TPR: variants seen among roughly 807,000 people sequenced by gnomAD.
The protein encoded by TPR is nucleoprotein TPR.
TPR carries 51 observed loss-of-function variants against 316.1 expected under a neutral mutation model. The ratio of observed to expected loss-of-function variants is 0.16; its 90% CI spans 0.13 to 0.20. TPR has a LOEUF of 0.20. TPR is among the 10% of genes least tolerant of loss of function. The probability of loss-of-function intolerance (pLI) is 1.00; values close to 1 mark genes in which losing one functional copy is unlikely to be tolerated. For missense variants in TPR, 2,272 were observed against 2,754.8 expected (o/e 0.82, Z 3.92); for synonymous variants, 981 against 914.7 (o/e 1.07, Z -1.31).
In TPR at chr1:186,338,183, A is replaced by G. The variant is rs1206672980; in HGVS notation, c.4212T>C (p.Asn1404=). 1 of 1,612,790 alleles carries G rather than the reference A, an allele frequency of 6.2e-7. No individual in the cohort carries two copies. Among genetic ancestry groups the G allele is most frequent in the African/African-American group, 1.3e-5 (1 of 74,830 alleles). ...NLIQSLKEDL[N]KVRTEKETIQ... ...TGGTTTCCTTTTCAGTTCTTACTTT[A>G]TTTAGATCTTCCTTCAGACTCTGAA... is the stretch of plus-strand genomic sequence containing the variant. The change falls in exon 31 of 51, where the codon AAT becomes AAC. Residue 1404 remains asparagine (N), a synonymous_variant. Coordinates refer to ENST00000367478, the MANE Select transcript of TPR (RefSeq NM_003292.3).
rs1658672618 is a variant in TPR at position 186,346,202 on chromosome 1, T to C, written c.3029A>G (p.Glu1010Gly). ...FQTQLEKKLM[E>G]VEKEKQELQD... is the part of the protein sequence containing the mutation. ...AAGTTCTTGTTTTTCCTTCTCTACT[T>C]CCATCAACTTCTTTTCCAACTGTGT... Residue 1010 changes from glutamate to glycine, a missense_variant, in exon 23 of 51, where the codon GAA becomes GGA. By Grantham distance (98) the Glu-to-Gly change is moderately conservative. This residue lies in a region of TPR where 757 missense variants were observed against 859.8 expected (regional missense o/e 0.88). Transcript: ENST00000367478. The C allele has an allele frequency of 6.2e-7, 1 of 1,613,312 alleles. No homozygotes were observed. Among genetic ancestry groups the C allele is most frequent in the African/African-American group, 1.3e-5 (1 of 74,918 alleles).
rs1658166687 is a variant in TPR, at chr1:186,331,559, C to T, written c.5627G>A (p.Ser1876Asn). 3 of 1,608,536 alleles carry T rather than the reference C, an allele frequency of 1.9e-6. No individual in the cohort carries two copies. The highest frequency in any genetic ancestry group is 2.5e-6 in the Non-Finnish European group (3 of 1,177,242). ...GTEEEVMAEE[S>N]TDGEVETQVY... is the part of the protein sequence containing the mutation. Reference sequence around the variant, plus strand: ...CTGAGTCTCTACCTCTCCATCAGTACTTTCTTCTGCCATAACTTCTTCCTG... The same window carrying T: ...CTGAGTCTCTACCTCTCCATCAGTATTTTCTTCTGCCATAACTTCTTCCTG... The change falls in exon 39 of 51, where the codon AGT (serine) becomes AAT (asparagine). Residue 1876 changes from serine to asparagine, a missense_variant. This residue lies in a region of TPR where 435 missense variants were observed against 461.1 expected (regional missense o/e 0.94). Transcript: ENST00000367478.
At chr1:186,374,250 T>A (rs1659623434) in intron 1 of TPR, among the ~76,000 whole-genome samples, 1 of 152,228 alleles carries the variant, frequency 6.6e-6, no homozygotes, top group African/African-American at 2.4e-5. Flanking sequence ...GCCATTATTG[T>A]CAGTAACTTT....
Position 186,352,031 on chromosome 1 carries a change from A to G in TPR, c.2414T>C (p.Leu805Ser). 3 of 1,610,338 alleles carry G rather than the reference A, an allele frequency of 1.9e-6. No individual in the cohort carries two copies. Among genetic ancestry groups the G allele is most frequent in the Non-Finnish European group, 2.5e-6 (3 of 1,178,622 alleles). The part of the protein sequence containing the change: ...EVRLSQQRES[L>S]LAEQRGQNLL... ...GTTTTGCCCCCTTTGTTCAGCTAAC[A>G]AAGACTCTCTTTGCTGAGAAAGACG... is the stretch of plus-strand genomic sequence containing the variant. The change falls in exon 19 of 51, where the codon TTG (leucine) becomes TCG (serine). Residue 805 changes from leucine to serine, a missense_variant. This residue lies in a region of TPR where 757 missense variants were observed against 859.8 expected (regional missense o/e 0.88). Coordinates refer to ENST00000367478, the MANE Select transcript of TPR (RefSeq NM_003292.3).
intron 34 of TPR, 61 bp from the exon 35 acceptor site, chr1:186,335,190 C>A: frequency 6.4e-7 from 1 of 1,564,094 alleles, no homozygotes; most frequent in Admixed American, 2.0e-5. Context: ...AAAAATGCCA[C>A]AAAAAAATTG....
chr1:186,351,570 C>A, intron 19 of TPR, 100 bp from the exon 20 acceptor site: 1 of 1,275,718 alleles, frequency 7.8e-7, no homozygotes, highest in East Asian at 2.6e-5. Context: ...CAACCCATTT[C>A]TACATGAAGC....
chr1:186,322,210 T>C, intron 45 of TPR, 108 bp downstream of exon 45: 1 of 1,063,626 alleles, frequency 9.4e-7, no homozygotes, highest in South Asian at 1.5e-5. Flanking sequence ...TAGTACATAG[T>C]AGAGAGGGAC....
At chr1:186,345,726 A>C in intron 23 of TPR, 30 bp from the exon 24 acceptor site, 6 of 1,467,992 alleles carry the variant, frequency 4.1e-6, no homozygotes, top group Non-Finnish European at 5.7e-6. Context: ...TTAAAACCAA[A>C]ATTAATTGCA....
chr1:186,361,532 C>A, intron 9 of TPR, 90 bp downstream of exon 9: 1 of 1,309,700 alleles, frequency 7.6e-7, no homozygotes, highest in Non-Finnish European at 1.1e-6. Context: ...AAGTCTAACA[C>A]CTAAATCCAA....
chr1:186,360,726 T>C (rs1659160056), intron 10 of TPR, 39 bp downstream of exon 10: 4 of 1,608,564 alleles, frequency 2.5e-6, no homozygotes, highest in Non-Finnish European at 3.4e-6. Flanking sequence ...AGGAAAGCTG[T>C]AGTATTTCAA....
chr1:186,320,259 G>T, intron 46 of TPR, 53 bp downstream of exon 46: 2 of 1,454,700 alleles, frequency 1.4e-6, no homozygotes, highest in Non-Finnish European at 9.4e-7. Flanking sequence ...CATCTTAATA[G>T]TTTATTACCA....
Position 186,375,191 on chromosome 1 carries a change from GA to G in TPR, c.-164del, listed in dbSNP as rs1659679046. 3.9e-6 allele frequency: 6 copies of G among 1,529,424 alleles called. No individual in the cohort carries two copies. The East Asian group carries it at 1.5e-4, about 38-fold the overall frequency. The allele number at this position is 1,529,424 out of a possible 1,614,324, so 94.7% of individuals were successfully genotyped here. ...GGAGACTCCCGCGGCGGGACCCTGG[GA>G]AATCGAGTCCACCCTCAGCGGCAGC... On this transcript the variant is annotated 5_prime_UTR_variant, in exon 1 of 51. Transcript: ENST00000367478.
At chr1:186,338,932 G>A (rs943945506) in intron 30 of TPR, among the ~76,000 whole-genome samples, 1 of 152,106 alleles carries the variant, frequency 6.6e-6, no homozygotes, top group African/African-American at 2.4e-5. Context: ...TAACATGCTA[G>A]ATGATTGCTA....
At chr1:186,371,089 T>C (rs769617466) in intron 2 of TPR, 46 bp from the exon 3 acceptor site, 74 of 1,468,056 alleles carry the variant, frequency 5.0e-5, no homozygotes, top group Non-Finnish European at 6.3e-5. Context: ...TGCTTAAAAC[T>C]TGCAATGAGT....
At chr1:186,368,225 G>A (rs1325598841) in intron 3 of TPR, among the ~76,000 whole-genome samples, 1 of 152,142 alleles carries the variant, frequency 6.6e-6, no homozygotes, top group Non-Finnish European at 1.5e-5. Flanking sequence ...ACATGGAAAT[G>A]TCCTAATAAC....
intron 7 of TPR, 106 bp from the exon 8 acceptor site, chr1:186,361,975 TA>T: frequency 3.0e-6 from 3 of 1,010,644 alleles, no homozygotes; most frequent in Non-Finnish European, 4.3e-6. Context: ...GAGCTAAATC[TA>T]AAACACTCAA....
rs899258045 is a variant in TPR at position 186,354,118 on chromosome 1, C to A, written c.2172-268G>T. Among the ~76,000 whole-genome samples, 4 of 152,196 alleles carry A rather than the reference C, an allele frequency of 2.6e-5. No homozygotes were observed. The East Asian group carries it at 5.8e-4, about 22-fold the overall frequency. ...ATGCTTATGTAAAATTAAATGAGCG[C>A]TGGCAGCAAGCTGCACTTTTTTTTT... On this transcript the variant is annotated intron_variant, in intron 17 of 50. Transcript: ENST00000367478.
chr1:186,321,892 A>C (rs1026573160), intron 45 of TPR, among the ~76,000 whole-genome samples: 4 of 152,222 alleles, frequency 2.6e-5, no homozygotes, highest in Non-Finnish European at 5.9e-5. Flanking sequence ...GTAACATCTT[A>C]AACATGTTAA....
chr1:186,342,300 G>C (rs1020561297), intron 27 of TPR: 5 of 149,452 alleles, frequency 3.3e-5, no homozygotes, highest in African/African-American at 4.9e-5. Context: ...TATAATCTAT[G>C]TTACTTGTTG....
Sources: gnomAD v4.1 joint callset for allele counts (sites outside exome capture counted in the v4.1 genomes callset) on GRCh38, gnomAD v4.1.1 for gene constraint, gnomAD v4.1.1 regional missense constraint, MANE v1.5 for transcripts, NCBI Gene and HGNC (gene_info 2026-07-23, HGNC 2026-07-21) for gene names.